The following GNA14 variants were observed in gnomAD, a reference collection of about 807,000 sequenced individuals.
The protein encoded by GNA14 is guanine nucleotide-binding protein subunit alpha-14.
Under a neutral mutation model 42.0 loss-of-function variants are expected in GNA14, and 50 were observed. The ratio of observed to expected loss-of-function variants is 1.19; its 90% CI spans 0.95 to 1.51. GNA14 has a LOEUF of 1.51. Among genes scored for constraint, GNA14 ranks in the 40% most tolerant of loss-of-function variants. GNA14 has a pLI of 0.00. For missense variants in GNA14, 473 were observed against 446.2 expected (o/e 1.06, Z -0.54); for synonymous variants, 173 against 163.1 (o/e 1.06, Z -0.46).
chr9:77,644,347 G>A (rs1222573986), intron 1 of GNA14, among the ~76,000 whole-genome samples: 1 of 150,566 alleles, frequency 6.6e-6, no homozygotes, highest in Non-Finnish European at 1.5e-5. Context: ...CCAACTACTA[G>A]GGAGGCTGAG....
intron 2 of GNA14, among the ~76,000 whole-genome samples, chr9:77,448,671 C>G (rs1835861405): frequency 6.6e-6 from 1 of 152,096 alleles, no homozygotes; most frequent in African/African-American, 2.4e-5. Context: ...GCCGTAATTC[C>G]TAATTCATTC....
At chr9:77,562,240 G>A (rs1301908846) in intron 1 of GNA14, among the ~76,000 whole-genome samples, 1 of 152,192 alleles carries the variant, frequency 6.6e-6, no homozygotes, top group African/African-American at 2.4e-5. Flanking sequence ...GTATGATCAT[G>A]TTTGAGCAGA....
intron 2 of GNA14, among the ~76,000 whole-genome samples, chr9:77,464,045 G>C (rs908505780): frequency 3.3e-5 from 5 of 152,148 alleles, no homozygotes; most frequent in African/African-American, 1.2e-4. Flanking sequence ...TTGTTGCCCA[G>C]GTTGGAGTGG....
At chr9:77,515,960 C>CAAAGAAAAAAAAAAA (rs1837248724) in intron 2 of GNA14, among the ~76,000 whole-genome samples, 1 of 52,736 alleles carries the variant, frequency 1.9e-5, no homozygotes, top group Non-Finnish European at 3.5e-5. Flanking sequence ...CCCTGTCTCA[C>CAAAGAAAAAAAAAAA]AAAAAAAAAA....
At chr9:77,432,775 T>C (rs1835578363) in intron 3 of GNA14, among the ~76,000 whole-genome samples, 1 of 152,040 alleles carries the variant, frequency 6.6e-6, no homozygotes, top group African/African-American at 2.4e-5. Flanking sequence ...GCAGGTCTGG[T>C]GGATCTTTTC....
chr9:77,457,387 A>C (rs1836020557), intron 2 of GNA14, among the ~76,000 whole-genome samples: 3 of 152,232 alleles, frequency 2.0e-5, no homozygotes, highest in Non-Finnish European at 4.4e-5. Flanking sequence ...GAAGTACATA[A>C]AAATTGACAA....
chr9:77,590,665 C>T (rs996752620), intron 1 of GNA14, among the ~76,000 whole-genome samples: 1 of 151,394 alleles, frequency 6.6e-6, no homozygotes, highest in Non-Finnish European at 1.5e-5. Flanking sequence ...TTTGAAGACC[C>T]GTTCACTCAT....
chr9:77,469,365 TAAAA>T lies in GNA14; in HGVS notation c.310-34847_310-34844del, dbSNP rs10537760. Among the ~76,000 whole-genome samples, 259 of 116,912 alleles carry T rather than the reference TAAAA, an allele frequency of 2.2e-3. 1 individual carries two copies. Among genetic ancestry groups the T allele is most frequent in the African/African-American group, 5.8e-3 (184 of 31,592 alleles). 76.7% of individuals were successfully genotyped at this position (116,912 alleles called of 152,430 possible). On this transcript the variant is annotated intron_variant, in intron 2 of 6. Coordinates refer to ENST00000341700, the MANE Select transcript of GNA14 (RefSeq NM_004297.4). ...GAATTAGTCCTAGGATAAACTGTGT[TAAAA>T]AAAAAAAAAAAAAAAAAAAGAACTT...
intron 1 of GNA14, among the ~76,000 whole-genome samples, chr9:77,588,345 A>G (rs989308282): frequency 6.6e-6 from 1 of 152,180 alleles, no homozygotes; most frequent in Non-Finnish European, 1.5e-5. Context: ...TTAATTGATA[A>G]AATACTTCCT....
intron 1 of GNA14, among the ~76,000 whole-genome samples, chr9:77,623,216 CAAAAAAAAAAAAAAAAAAAAAA>C (rs34368561): frequency 3.0e-4 from 8 of 26,832 alleles, no homozygotes; most frequent in Non-Finnish European, 1.0e-3. Flanking sequence ...GACGCTGTCT[CAAAAAAAAAAAAAAAAAAAAAA>C]AAAAAAAAAA....
chr9:77,433,526 CTAATTTTTG>C (rs1428808638), intron 3 of GNA14, among the ~76,000 whole-genome samples: 3 of 151,928 alleles, frequency 2.0e-5, no homozygotes, highest in Non-Finnish European at 2.9e-5. Flanking sequence ...AGCTGCCCAG[CTAATTTTTG>C]TAATTTTTGC....
rs757128605 is a variant in GNA14, at chr9:77,424,017, T to G, written c.1030A>C (p.Ile344Leu). Residue 344 changes from isoleucine to leucine, a missense_variant, in exon 7 of 7, where the codon ATT (isoleucine) becomes CTT (leucine). Transcript: ENST00000341700. ...RFVFAAVKDT[I>L]LQLNLREFNL... ...AATTCCCTTAGGTTTAGCTGTAGAA[T>G]TGTGTCTTTGACAGCAGCAAACACA... 2 of 1,609,454 alleles carry G rather than the reference T, an allele frequency of 1.2e-6. No individual in the cohort carries two copies. The highest frequency in any genetic ancestry group is 1.7e-6 in the Non-Finnish European group (2 of 1,177,546).
At chr9:77,556,670 G>A (rs543098481) in intron 1 of GNA14, among the ~76,000 whole-genome samples, 1 of 152,036 alleles carries the variant, frequency 6.6e-6, no homozygotes, top group South Asian at 2.1e-4. Flanking sequence ...TCAACCCCAG[G>A]TTTCCCAAAT....
intron 1 of GNA14, among the ~76,000 whole-genome samples, chr9:77,534,841 G>A (rs1837574717): frequency 6.6e-6 from 1 of 152,156 alleles, no homozygotes; most frequent in Non-Finnish European, 1.5e-5. Context: ...ATGAATGGGT[G>A]TTTATTGGCT....
At chr9:77,435,934 C>T (rs925259508) in intron 2 of GNA14, among the ~76,000 whole-genome samples, 1 of 152,190 alleles carries the variant, frequency 6.6e-6, no homozygotes, top group Non-Finnish European at 1.5e-5. Flanking sequence ...CATCACCAAG[C>T]AGGGCTGGCT....
intron 2 of GNA14, among the ~76,000 whole-genome samples, chr9:77,528,565 G>A (rs1837477390): frequency 6.6e-6 from 1 of 152,112 alleles, no homozygotes; most frequent in Non-Finnish European, 1.5e-5. Context: ...TGCTGGCTGG[G>A]CCATTAGCAT....
intron 1 of GNA14, among the ~76,000 whole-genome samples, chr9:77,623,815 T>C (rs1300180545): frequency 3.3e-5 from 5 of 152,132 alleles, no homozygotes; most frequent in East Asian, 1.9e-4. Context: ...ACCAGCGCCA[T>C]GGATTTGAAG....
chr9:77,505,677 AAAG>A (rs1400284043), intron 2 of GNA14, among the ~76,000 whole-genome samples: 1 of 152,218 alleles, frequency 6.6e-6, no homozygotes, highest in African/African-American at 2.4e-5. Flanking sequence ...CCGATGTGAC[AAAG>A]AAGGACATAA....
chr9:77,516,344 A>G (rs1364005432), intron 2 of GNA14, among the ~76,000 whole-genome samples: 3 of 152,204 alleles, frequency 2.0e-5, no homozygotes, highest in Non-Finnish European at 2.9e-5. Context: ...TGGCATTATC[A>G]GTCATTCATA....
Sources: gnomAD v4.1 joint callset for allele counts (sites outside exome capture counted in the v4.1 genomes callset) on GRCh38, gnomAD v4.1.1 for gene constraint, MANE v1.5 for transcripts, NCBI Gene and HGNC (gene_info 2026-07-23, HGNC 2026-07-21) for gene names.